Variants in LMO7 observed in about 807,000 individuals in gnomAD.
LMO7 encodes the protein LIM domain 7, also known as LIM domain only protein 7.
In LMO7, 120 loss-of-function variants were observed where a neutral mutation model predicts 206.5. The ratio of observed to expected loss-of-function variants is 0.58; its 90% CI spans 0.50 to 0.68. The LOEUF is 0.68. Among genes scored for constraint, LMO7 ranks in the 30% least tolerant of loss-of-function variants. The pLI is 0.00. For missense variants in LMO7, 1,959 were observed against 1,957.9 expected (o/e 1.00, Z -0.01); for synonymous variants, 706 against 681.5 (o/e 1.04, Z -0.56).
At chr13:75,854,954 C>A (rs1368844228) in intron 28 of LMO7, 1 of 213,552 alleles carries the variant, frequency 4.7e-6, no homozygotes, top group African/African-American at 2.3e-5. Context: ...TGAGGGGCGA[C>A]TATTGCTGAG....
intron 4 of LMO7, among the ~76,000 whole-genome samples, chr13:75,786,816 AC>A (rs1245864397): frequency 2.0e-5 from 3 of 152,158 alleles, no homozygotes; most frequent in African/African-American, 7.2e-5. Context: ...ATGTCTAATT[AC>A]CAATTTACCT....
At position 75,636,583 on chromosome 13, in the gene LMO7, T is replaced by C. The variant is rs2035884487; in HGVS notation, c.-75T>C. The C allele has an allele frequency of 6.5e-7, 1 of 1,539,522 alleles. No homozygotes were observed. The highest frequency in any genetic ancestry group is 8.7e-7 in the Non-Finnish European group (1 of 1,146,166). ...GAGGCCCGCGTGCCCTCCCCGCCCG[T>C]GGGGCCCAGACGCGCGGGGACAACC... On this transcript the variant is annotated 5_prime_UTR_variant, in exon 1 of 31. Coordinates refer to ENST00000377534, the MANE Select transcript of LMO7 (RefSeq NM_001306080.2).
chr13:75,800,148 C>G (rs1032337398), intron 6 of LMO7, among the ~76,000 whole-genome samples: 2 of 152,098 alleles, frequency 1.3e-5, no homozygotes, highest in African/African-American at 2.4e-5. Flanking sequence ...CCCACTTGCT[C>G]CTTTTTATTT....
At chr13:75,733,940 A>G (rs944120033) in intron 3 of LMO7, among the ~76,000 whole-genome samples, 3 of 152,242 alleles carry the variant, frequency 2.0e-5, no homozygotes, top group Non-Finnish European at 4.4e-5. Flanking sequence ...ATGGTGGCCC[A>G]GACTGCGAGA....
chr13:75,712,028 T>C (rs576511114), intron 1 of LMO7, among the ~76,000 whole-genome samples: 1 of 152,200 alleles, frequency 6.6e-6, no homozygotes, highest in East Asian at 1.9e-4. Context: ...ACACAACCAT[T>C]ATTTTGTCAG....
intron 1 of LMO7, among the ~76,000 whole-genome samples, chr13:75,686,005 G>A (rs2040950681): frequency 6.7e-6 from 1 of 149,200 alleles, no homozygotes; most frequent in Admixed American, 6.8e-5. Flanking sequence ...CTCCTGCATA[G>A]CTGGGACTAC....
Position 75,796,746 on chromosome 13 carries a change from G to T in LMO7, c.459G>T (p.Thr153=). 6.4e-7 allele frequency: 1 copy of T among 1,571,612 alleles called. No individual in the cohort carries two copies. The highest frequency in any genetic ancestry group is 1.1e-5 in the South Asian group (1 of 90,222). The stretch of plus-strand genomic sequence containing the variant: ...AGAATCTTTTAGGACAAGCACTGAC[G>T]AAGGTAAGTAAACTACATCTGTGTG... ...AFENLLGQAL[T]KALEDSSFLK... The change falls in exon 6 of 31, where the codon ACG becomes ACT. Residue 153 remains threonine, a synonymous_variant. Coordinates refer to ENST00000377534, the MANE Select transcript of LMO7 (RefSeq NM_001306080.2).
chr13:75,648,379 C>T (rs1224915807), intron 1 of LMO7, among the ~76,000 whole-genome samples: 1 of 152,114 alleles, frequency 6.6e-6, no homozygotes, highest in Non-Finnish European at 1.5e-5. Flanking sequence ...TAAGTTTCTT[C>T]CCAACACCAT....
rs2061156047 is a variant in LMO7, at chr13:75,859,420, G to A, written c.*1477G>A. The stretch of plus-strand genomic sequence containing the variant: ...ATAATTATTTATAAGTATAGATTGT[G>A]AATTTTTCCATGTTCTTAAAATTAT... On this transcript the variant is annotated 3_prime_UTR_variant, in exon 31 of 31. Coordinates refer to ENST00000377534, the MANE Select transcript of LMO7 (RefSeq NM_001306080.2). The A allele has an allele frequency of 6.6e-6, 1 of 152,108 alleles. No homozygotes were observed. The highest frequency in any genetic ancestry group is 1.5e-5 in the Non-Finnish European group (1 of 68,014). The allele number at this position is 152,108 out of a possible 1,614,324, so 9.4% of individuals were successfully genotyped here.
chr13:75,626,378 A>G (rs2034083826), intron 2 of LMO7, among the ~76,000 whole-genome samples: 1 of 151,514 alleles, frequency 6.6e-6, no homozygotes, highest in African/African-American at 2.4e-5. Flanking sequence ...CAAAAGCAGA[A>G]ACCCCTGATA....
At chr13:75,798,741 G>C (rs1036582094) in intron 6 of LMO7, among the ~76,000 whole-genome samples, 1 of 152,218 alleles carries the variant, frequency 6.6e-6, no homozygotes, top group Non-Finnish European at 1.5e-5. Context: ...AATCGTTGGT[G>C]GAAGTTGTAG....
intron 4 of LMO7, 22 bp downstream of exon 4, chr13:75,761,060 GAT>G (rs10563264): frequency 0.52 from 602,063 of 1,151,094 alleles, 159,638 homozygotes; most frequent in East Asian, 0.95. Context: ...CAGTTTGTTA[GAT>G]ATATATATAT....
rs1015284398 is a variant in LMO7, at chr13:75,636,734, C to T, written c.69+8C>T. On this transcript the variant is annotated splice_region_variant and intron_variant, in intron 1 of 30. Coordinates refer to ENST00000377534, the MANE Select transcript of LMO7 (RefSeq NM_001306080.2). ...GCTCAGAGATGGGTGGAGGTGAGTGCCTTTCACTGCTTTCCCTTCCGCAGG... is the reference window on the plus strand; with the variant it reads ...GCTCAGAGATGGGTGGAGGTGAGTGTCTTTCACTGCTTTCCCTTCCGCAGG... 15 of 1,601,920 alleles carry T rather than the reference C, an allele frequency of 9.4e-6. No individual in the cohort carries two copies. The highest frequency in any genetic ancestry group is 8.5e-5 in the Admixed American group (5 of 58,576).
At chr13:75,655,028 G>A (rs543153452) in intron 1 of LMO7, among the ~76,000 whole-genome samples, 24 of 151,926 alleles carry the variant, frequency 1.6e-4, no homozygotes, top group African/African-American at 5.6e-4. Context: ...CTGTCACCAC[G>A]CCCGGCTAAT....
chr13:75,728,498 T>G (rs1292175259), intron 3 of LMO7, among the ~76,000 whole-genome samples: 1 of 146,718 alleles, frequency 6.8e-6, no homozygotes. Context: ...TAAATTTGTT[T>G]GAGTTCATTG....
intron 1 of LMO7, among the ~76,000 whole-genome samples, chr13:75,681,718 G>T (rs111452431): frequency 9.6e-6 from 1 of 104,580 alleles, no homozygotes; most frequent in African/African-American, 3.4e-5. Context: ...ATATATATAT[G>T]TATATATATA....
chr13:75,732,200 G>C (rs1217401852), intron 3 of LMO7, among the ~76,000 whole-genome samples: 1 of 152,096 alleles, frequency 6.6e-6, no homozygotes, highest in Non-Finnish European at 1.5e-5. Context: ...AGTTCTCCTG[G>C]ATAATATCCT....
At chr13:75,629,226 C>A (rs940815608) in intron 2 of LMO7, among the ~76,000 whole-genome samples, 4 of 152,200 alleles carry the variant, frequency 2.6e-5, no homozygotes, top group African/African-American at 9.7e-5. Flanking sequence ...ATCATATTTT[C>A]TACTCTGCTG....
chr13:75,669,540 A>G lies in LMO7; in HGVS notation c.69+32814A>G, dbSNP rs139894884. ...TTCTCTTTCAGGAAGTCTGGGTGATAAGGCAAGGAGAGATTGCATGATAGA... is the reference window on the plus strand; with the variant it reads ...TTCTCTTTCAGGAAGTCTGGGTGATGAGGCAAGGAGAGATTGCATGATAGA... On this transcript the variant is annotated intron_variant, in intron 1 of 30. Coordinates refer to ENST00000377534, the MANE Select transcript of LMO7 (RefSeq NM_001306080.2). Among the ~76,000 whole-genome samples the G allele has an allele frequency of 1.9e-3, 291 of 152,232 alleles. 2 individuals are homozygous for G. Among genetic ancestry groups the G allele is most frequent in the African/African-American group, 6.7e-3 (278 of 41,550 alleles).
Sources: gnomAD v4.1 joint callset for allele counts (sites outside exome capture counted in the v4.1 genomes callset) on GRCh38, gnomAD v4.1.1 for gene constraint, MANE v1.5 for transcripts, NCBI Gene and HGNC (gene_info 2026-07-23, HGNC 2026-07-21) for gene names.